Variants in SYNJ1 observed in about 807,000 individuals in gnomAD.
SYNJ1 encodes the protein synaptojanin 1, also known as polyphosphatidylinositol phosphatase SYNJ1.
SYNJ1 carries 78 observed loss-of-function variants against 168.2 expected under a neutral mutation model. The observed-to-expected ratio is 0.46, with a 90% confidence interval of 0.39 to 0.56. The LOEUF is 0.56. SYNJ1 is among the 20% of genes least tolerant of loss of function. The probability of loss-of-function intolerance (pLI) is 0.00; values close to 1 mark genes in which losing one functional copy is unlikely to be tolerated. For missense variants in SYNJ1, 1,303 were observed against 1,597.6 expected (o/e 0.82, Z 3.14); for synonymous variants, 539 against 548.6 (o/e 0.98, Z 0.24).
At chr21:32,715,378 G>A (rs1268984580) in intron 2 of SYNJ1, among the ~76,000 whole-genome samples, 1 of 151,960 alleles carries the variant, frequency 6.6e-6, no homozygotes, top group African/African-American at 2.4e-5. Flanking sequence ...GGATGCTGAG[G>A]CAGGAGAATC....
intron 10 of SYNJ1, 35 bp from the exon 11 acceptor site, chr21:32,681,683 T>C (rs1009075001): frequency 1.9e-6 from 3 of 1,561,310 alleles, no homozygotes; most frequent in South Asian, 1.2e-5. Context: ...TATAAGTACA[T>C]TAATATATTA....
Position 32,645,017 on chromosome 21 carries a change from A to G in SYNJ1, c.3392-11T>C, listed in dbSNP as rs1299095495. The stretch of plus-strand genomic sequence containing the variant: ...CAGGACTCCTAGCCCCTTATAGTTC[A>G]TAAGAAAATAGGCAGCAGAAAGGAA... On this transcript the variant is annotated splice_polypyrimidine_tract_variant and intron_variant, in intron 25 of 32. Transcript: ENST00000674351. 4 of 1,598,868 alleles carry G rather than the reference A, an allele frequency of 2.5e-6. No individual in the cohort carries two copies. The highest frequency in any genetic ancestry group is 1.7e-4 in the Middle Eastern group (1 of 6,036).
chr21:32,649,706 T>C (rs757478815), intron 23 of SYNJ1, among the ~76,000 whole-genome samples: 5 of 152,244 alleles, frequency 3.3e-5, no homozygotes, highest in Non-Finnish European at 7.3e-5. Flanking sequence ...TAAATACATT[T>C]AAAGTATACG....
chr21:32,698,144 C>T (rs1020131981), intron 4 of SYNJ1, among the ~76,000 whole-genome samples: 7 of 151,950 alleles, frequency 4.6e-5, no homozygotes, highest in Non-Finnish European at 7.3e-5. Flanking sequence ...CCTGCATCCC[C>T]TCTCTCCTTT....
intron 18 of SYNJ1, among the ~76,000 whole-genome samples, chr21:32,659,313 A>G (rs750400701): frequency 9.9e-5 from 15 of 151,980 alleles, no homozygotes; most frequent in Non-Finnish European, 1.8e-4. Flanking sequence ...GATACATAAT[A>G]TATTTTTCTT....
Position 32,666,012 on chromosome 21 carries a change from T to A in SYNJ1, c.2076A>T (p.Ala692=), listed in dbSNP as rs1411849491. 1 of 1,614,074 alleles carries A rather than the reference T, an allele frequency of 6.2e-7. No individual in the cohort carries two copies. The highest frequency in any genetic ancestry group is 1.3e-5 in the African/African-American group (1 of 75,066). ...SLCFVCSHFA[A]GQSQVKERNE... ...TTCTTTCTTTGACTTGTGACTGCCC[T>A]GCAGCAAAGTGGCTACAGACGAAGC... Residue 692 remains alanine (A), a synonymous_variant, in exon 17 of 33, where the codon GCA becomes GCT. Transcript: ENST00000674351.
At chr21:32,652,452 C>T (rs189460731) in intron 22 of SYNJ1, among the ~76,000 whole-genome samples, 16 of 152,278 alleles carry the variant, frequency 1.1e-4, no homozygotes, top group African/African-American at 3.4e-4. Flanking sequence ...CCACCTGTCT[C>T]GGCCTCCCAA....
chr21:32,661,690 T>C lies in SYNJ1; in HGVS notation c.2304+3223A>G, dbSNP rs2140359. On this transcript the variant is annotated intron_variant, in intron 18 of 32. Coordinates refer to ENST00000674351, the MANE Select transcript of SYNJ1 (RefSeq NM_203446.3). ...TATCAAAAATAGTTTAGGGAAAGTA[T>C]GTCAGGAAACAGGATTAAAATGGAT... 3.4e-3 allele frequency among the ~76,000 whole-genome samples: 516 copies of C among 152,286 alleles called. 1 individual carries two copies. Among genetic ancestry groups the C allele is most frequent in the African/African-American group, 0.012 (484 of 41,556 alleles).
chr21:32,728,359 A>C, upstream of SYNJ1: 1 of 264,324 alleles, frequency 3.8e-6, no homozygotes, highest in Non-Finnish European at 7.3e-6. Context: ...GGGCGTCAGG[A>C]CCAACCCCGC....
chr21:32,706,660 C>T (rs1278962169), intron 2 of SYNJ1, among the ~76,000 whole-genome samples: 1 of 152,066 alleles, frequency 6.6e-6, no homozygotes, highest in Non-Finnish European at 1.5e-5. Context: ...AAGCTTTTAT[C>T]TCTGACGTTA....
chr21:32,650,415 G>T, intron 22 of SYNJ1, 69 bp from the exon 23 acceptor site: 1 of 1,427,992 alleles, frequency 7.0e-7, no homozygotes, highest in South Asian at 1.4e-5. Context: ...TAAAGAGGCT[G>T]ACTTCGTTAA....
intron 3 of SYNJ1, among the ~76,000 whole-genome samples, chr21:32,701,360 C>CT (rs1324424021): frequency 6.6e-6 from 1 of 151,930 alleles, no homozygotes; most frequent in Non-Finnish European, 1.5e-5. Context: ...TCTAGTAAGA[C>CT]TTTATCAATG....
At chr21:32,705,586 C>T (rs2042577254) in intron 2 of SYNJ1, among the ~76,000 whole-genome samples, 1 of 152,032 alleles carries the variant, frequency 6.6e-6, no homozygotes, top group Non-Finnish European at 1.5e-5. Flanking sequence ...GGTTATAAGC[C>T]TATGAATTGA....
rs1318445230 is a variant in SYNJ1, at chr21:32,670,357, G to A, written c.1742C>T (p.Pro581Leu). ...IQEFQDKRSKPTDIFAIGFEE... is the reference protein window; with the variant it reads ...IQEFQDKRSKLTDIFAIGFEE... ...AAAACCAATTGCAAATATATCAGTT[G>A]GCTTACTTCTTTTATCTAAAATTAA... Residue 581 changes from proline (P) to leucine (L), a missense_variant, in exon 15 of 33, where the codon CCA becomes CTA. Pro to Leu is a moderately conservative substitution (Grantham distance 98). This residue lies in a region of SYNJ1 where 920 missense variants were observed against 1,208.8 expected (regional missense o/e 0.76). Coordinates refer to ENST00000674351, the MANE Select transcript of SYNJ1 (RefSeq NM_203446.3). 1 of 1,612,688 alleles carries A rather than the reference G, an allele frequency of 6.2e-7. No homozygotes were observed. The highest frequency in any genetic ancestry group is 1.1e-5 in the South Asian group (1 of 90,950).
chr21:32,725,837 C>A (rs2043426022), intron 2 of SYNJ1, among the ~76,000 whole-genome samples: 1 of 151,892 alleles, frequency 6.6e-6, no homozygotes, highest in African/African-American at 2.4e-5. Flanking sequence ...TAATCATATA[C>A]TTTTTTTTCT....
At chr21:32,631,852 C>G in intron 32 of SYNJ1, 51 bp from the exon 33 acceptor site, 6 of 1,451,860 alleles carry the variant, frequency 4.1e-6, no homozygotes, top group Non-Finnish European at 5.6e-6. Flanking sequence ...ACTCTTAATA[C>G]CCCCTATTCT....
intron 18 of SYNJ1, among the ~76,000 whole-genome samples, chr21:32,660,303 T>C (rs1053126860): frequency 2.2e-4 from 33 of 152,212 alleles, no homozygotes; most frequent in African/African-American, 7.0e-4. Context: ...AGGCCTTCCA[T>C]ACTGTGGTAA....
chr21:32,705,381 T>G (rs1020410056), intron 2 of SYNJ1, among the ~76,000 whole-genome samples: 8 of 152,116 alleles, frequency 5.3e-5, no homozygotes, highest in Admixed American at 2.0e-4. Flanking sequence ...CTACTAGCAT[T>G]CCTTGGAGAA....
chr21:32,700,651 C>T (rs1156910512), intron 3 of SYNJ1, among the ~76,000 whole-genome samples: 2 of 151,970 alleles, frequency 1.3e-5, no homozygotes, highest in East Asian at 1.9e-4. Context: ...GCTAAAACTA[C>T]GTCTCAAAAA....
Sources: allele counts gnomAD v4.1 joint callset (sites outside exome capture counted in the v4.1 genomes callset), GRCh38; gene constraint gnomAD v4.1.1; regional missense constraint gnomAD v4.1.1; transcripts MANE v1.5; gene names NCBI Gene and HGNC (gene_info 2026-07-23, HGNC 2026-07-21).